The following TMEM232 variants were observed in gnomAD, a reference collection of about 807,000 sequenced individuals.
TMEM232 encodes transmembrane protein 232.
In TMEM232, 80 loss-of-function variants were observed where a neutral mutation model predicts 78.8. The ratio of observed to expected loss-of-function variants is 1.01; its 90% CI spans 0.85 to 1.22. The LOEUF is 1.22. Ranked by LOEUF, TMEM232 falls within the 50% of genes most tolerant of loss-of-function variation. The pLI is 0.00. For missense variants in TMEM232, 881 were observed against 742.2 expected (o/e 1.19, Z -2.17); for synonymous variants, 297 against 254.3 (o/e 1.17, Z -1.60).
At chr5:110,523,539 T>C (rs1272669658) in intron 12 of TMEM232, among the ~76,000 whole-genome samples, 1 of 152,186 alleles carries the variant, frequency 6.6e-6, no homozygotes, top group Non-Finnish European at 1.5e-5. Context: ...TTAGTACTGC[T>C]TTTGCTCCAT....
rs188035147 is a variant in TMEM232, at chr5:110,426,987, C to G, written c.1704-2071G>C. Among the ~76,000 whole-genome samples, 538 of 151,952 alleles carry G rather than the reference C, an allele frequency of 3.5e-3. 3 individuals are homozygous for G. The highest frequency in any genetic ancestry group is 0.012 in the African/African-American group (488 of 41,488). ...TGTAGGCAACATAATATCAAAAGAC[C>G]TTTAACATGGGAAAAACAAATGAAT... On this transcript the variant is annotated intron_variant, in intron 12 of 13. Transcript: ENST00000455884.
rs899128463 is a variant in TMEM232 at position 110,555,309 on chromosome 5, T to C, written c.1455+13138A>G. Among the ~76,000 whole-genome samples, 10 of 152,200 alleles carry C rather than the reference T, an allele frequency of 6.6e-5. No homozygotes were observed. The South Asian group carries it at 8.3e-4, about 13-fold the overall frequency. On this transcript the variant is annotated intron_variant, in intron 11 of 13. Coordinates refer to ENST00000455884, the MANE Select transcript of TMEM232 (RefSeq NM_001039763.4). The stretch of plus-strand genomic sequence containing the variant: ...AGGAGCAGGTTGCTTAATTTACATG[T>C]AATTGTATGGTTTTGAGAGATTTTC...
At chr5:110,671,126 A>G (rs1037375098) in intron 1 of TMEM232, among the ~76,000 whole-genome samples, 1 of 152,116 alleles carries the variant, frequency 6.6e-6, no homozygotes, top group Non-Finnish European at 1.5e-5. Flanking sequence ...GACATATATG[A>G]GGCCAACAAA....
chr5:110,433,905 A>G (rs1758128290), intron 12 of TMEM232, among the ~76,000 whole-genome samples: 1 of 152,022 alleles, frequency 6.6e-6, no homozygotes. Context: ...GGATTTTTCT[A>G]TCTATGTTCA....
chr5:110,472,496 T>A (rs1411240939), intron 12 of TMEM232, among the ~76,000 whole-genome samples: 1 of 151,920 alleles, frequency 6.6e-6, no homozygotes, highest in Admixed American at 6.6e-5. Flanking sequence ...AGTGAGTCAA[T>A]GCAATACCTA....
At chr5:110,712,812 A>T (rs984343153) in intron 1 of TMEM232, among the ~76,000 whole-genome samples, 3 of 152,124 alleles carry the variant, frequency 2.0e-5, no homozygotes, top group African/African-American at 7.2e-5. Context: ...TGTTGGTGGG[A>T]ATACAAATTA....
intron 1 of TMEM232, among the ~76,000 whole-genome samples, chr5:110,709,311 C>T (rs1796241634): frequency 6.6e-6 from 1 of 152,114 alleles, no homozygotes; most frequent in South Asian, 2.1e-4. Context: ...CCACTTTCAG[C>T]ATTAGACACA....
chr5:110,531,233 ACT>A lies in TMEM232; in HGVS notation c.1456-2400_1456-2399del, dbSNP rs762994257. On this transcript the variant is annotated intron_variant, in intron 11 of 13. Coordinates refer to ENST00000455884, the MANE Select transcript of TMEM232 (RefSeq NM_001039763.4). Reference sequence around the variant, plus strand: ...GGCCCCACCCCATCTCCCTTCACTGACTCTCTTTTTAGACTCAGCCCGCCTGC... The same window carrying A: ...GGCCCCACCCCATCTCCCTTCACTGACTCTTTTTAGACTCAGCCCGCCTGC... Among the ~76,000 whole-genome samples the A allele has an allele frequency of 3.3e-5, 5 of 150,554 alleles. No homozygotes were observed. The East Asian group carries it at 7.9e-4, about 24-fold the overall frequency.
chr5:110,472,589 T>C (rs1762801048), intron 12 of TMEM232, among the ~76,000 whole-genome samples: 1 of 151,710 alleles, frequency 6.6e-6, no homozygotes, highest in African/African-American at 2.4e-5. Flanking sequence ...ACTCTGTAAA[T>C]CAAAGCACTC....
At position 110,420,768 on chromosome 5, in the gene TMEM232, A is replaced by G; in HGVS notation, c.1798-12T>C. The G allele has an allele frequency of 6.7e-7, 1 of 1,496,328 alleles. No homozygotes were observed. The highest frequency in any genetic ancestry group is 8.8e-7 in the Non-Finnish European group (1 of 1,134,506). The allele number at this position is 1,496,328 out of a possible 1,614,324, so 92.7% of individuals were successfully genotyped here. A position where few individuals can be genotyped will look rare whatever the true frequency, so the allele number is the denominator to read the frequency against. ...AGCTCTTCCTGCCACTGTTACAGAG[A>G]GAAAACGTCATTCACATGATTTTCC... On this transcript the variant is annotated splice_polypyrimidine_tract_variant and intron_variant, in intron 13 of 13. Transcript: ENST00000455884.
chr5:110,408,580 ACT>A (rs1323529182), intron 2 of TMEM232, among the ~76,000 whole-genome samples: 1 of 151,984 alleles, frequency 6.6e-6, no homozygotes, highest in Non-Finnish European at 1.5e-5. Context: ...ACAGAGTGAG[ACT>A]CTGTCTCAAA....
At chr5:110,471,751 G>C (rs1351194695) in intron 12 of TMEM232, among the ~76,000 whole-genome samples, 2 of 151,962 alleles carry the variant, frequency 1.3e-5, no homozygotes, top group African/African-American at 2.4e-5. Flanking sequence ...ATCACTACTA[G>C]AGCTAACCTA....
intron 2 of TMEM232, among the ~76,000 whole-genome samples, chr5:110,406,419 T>C (rs1755796664): frequency 6.6e-6 from 1 of 152,084 alleles, no homozygotes; most frequent in African/African-American, 2.4e-5. Context: ...AGAGTCCAGA[T>C]ATACCTTTAA....
intron 13 of TMEM232, among the ~76,000 whole-genome samples, chr5:110,423,506 A>C (rs1051813192): frequency 6.6e-6 from 1 of 152,212 alleles, no homozygotes; most frequent in Non-Finnish European, 1.5e-5. Flanking sequence ...TTCCAAAATC[A>C]GTACTATGAA....
chr5:110,434,218 G>T (rs1364342358), intron 12 of TMEM232, among the ~76,000 whole-genome samples: 1 of 150,344 alleles, frequency 6.7e-6, no homozygotes, highest in African/African-American at 2.4e-5. Flanking sequence ...TTGATAGACT[G>T]CTAACTAGAT....
chr5:110,532,160 G>C (rs528623246), intron 11 of TMEM232, among the ~76,000 whole-genome samples: 2 of 152,200 alleles, frequency 1.3e-5, no homozygotes, highest in South Asian at 4.2e-4. Context: ...CCGCAGCCCA[G>C]GATTCCTCCT....
At chr5:110,631,843 C>G (rs909150326) in intron 5 of TMEM232, among the ~76,000 whole-genome samples, 1 of 152,148 alleles carries the variant, frequency 6.6e-6, no homozygotes, top group Non-Finnish European at 1.5e-5. Context: ...ACTACCTACA[C>G]CATGCCACCT....
rs146966866 is a variant in TMEM232 at position 110,468,145 on chromosome 5, A to AAGAT, written c.1704-43233_1704-43230dup. Among the ~76,000 whole-genome samples, 715 of 152,304 alleles carry AAGAT rather than the reference A, an allele frequency of 4.7e-3. 4 individuals carry two copies. The highest frequency in any genetic ancestry group is 0.016 in the African/African-American group (658 of 41,564). On this transcript the variant is annotated intron_variant, in intron 12 of 13. Coordinates refer to ENST00000455884, the MANE Select transcript of TMEM232 (RefSeq NM_001039763.4). ...CATTACTTTACTTTAAAATAAAAAA[A>AAGAT]AGATATATTACAGCTAACTTCTCAA...
intron 2 of TMEM232, among the ~76,000 whole-genome samples, chr5:110,644,117 G>A (rs1787120076): frequency 6.6e-6 from 1 of 151,884 alleles, no homozygotes; most frequent in South Asian, 2.1e-4. Flanking sequence ...AACATACAAA[G>A]TCTGTGATAA....
Sources: allele counts gnomAD v4.1 joint callset (sites outside exome capture counted in the v4.1 genomes callset), GRCh38; gene constraint gnomAD v4.1.1; transcripts MANE v1.5; gene names NCBI Gene and HGNC (gene_info 2026-07-23, HGNC 2026-07-21).